PRKN: variants seen among roughly 807,000 people sequenced by gnomAD.
PRKN encodes the protein E3 ubiquitin-protein ligase parkin.
Under a neutral mutation model 59.5 loss-of-function variants are expected in PRKN, and 56 were observed. That is an observed-to-expected ratio of 0.94 (90% CI 0.76 to 1.18). The LOEUF (loss-of-function observed/expected upper bound fraction) is 1.18, where lower values mean the gene tolerates loss of function less well. Among genes scored for constraint, PRKN ranks in the 50% most tolerant of loss-of-function variants. The probability of loss-of-function intolerance (pLI) is 0.00; values close to 1 mark genes in which losing one functional copy is unlikely to be tolerated. For missense variants in PRKN, 657 were observed against 596.4 expected, an observed-to-expected ratio of 1.10 and a Z score of -1.06; for synonymous variants, 250 against 222.1, an observed-to-expected ratio of 1.13 and a Z score of -1.12.
At chr6:162,008,179 T>C (rs914068071) in intron 5 of PRKN, among the ~76,000 whole-genome samples, 6 of 152,162 alleles carry the variant, frequency 3.9e-5, no homozygotes, top group Admixed American at 2.0e-4. Flanking sequence ...CAGGAGACTA[T>C]AGAAGTCAAG....
intron 3 of PRKN, among the ~76,000 whole-genome samples, chr6:162,218,467 G>A (rs1307387997): frequency 1.3e-5 from 2 of 152,140 alleles, no homozygotes; most frequent in Non-Finnish European, 2.9e-5. Flanking sequence ...AGCCGGGGCT[G>A]GAAACAGTGA....
rs553582050 is a variant in PRKN at position 162,253,587 on chromosome 6, G to A, written c.412+8938C>T. Among the ~76,000 whole-genome samples, 52 of 152,090 alleles carry A rather than the reference G, an allele frequency of 3.4e-4. 1 individual carries two copies. The South Asian group carries it at 0.01, about 30-fold the overall frequency. On this transcript the variant is annotated intron_variant, in intron 3 of 11. Transcript: ENST00000366898. The stretch of plus-strand genomic sequence containing the variant: ...ATTTTCATAAAAGGAAATCCTAAAC[G>A]CTCAATTTGAAGTATGTTTCCTCAC...
chr6:162,461,435 G>C (rs1791157207), intron 1 of PRKN, among the ~76,000 whole-genome samples: 1 of 144,040 alleles, frequency 6.9e-6, no homozygotes, highest in African/African-American at 2.6e-5. Flanking sequence ...CTGGGAGGTG[G>C]AGGCTGCAGT....
At chr6:162,096,062 T>C (rs1357076733) in intron 4 of PRKN, among the ~76,000 whole-genome samples, 4 of 152,168 alleles carry the variant, frequency 2.6e-5, no homozygotes, top group African/African-American at 9.7e-5. Context: ...ACTTATTTCA[T>C]ATGTGGATCA....
intron 2 of PRKN, among the ~76,000 whole-genome samples, chr6:162,389,114 A>G (rs180989808): frequency 1.6e-4 from 24 of 151,788 alleles, no homozygotes; most frequent in African/African-American, 5.8e-4. Flanking sequence ...CTTGTTTTGA[A>G]TGGATGTGTG....
In PRKN at chr6:161,357,048, CTTTTTT is replaced by C. The variant is rs35219002; in HGVS notation, c.1285+3034_1285+3039del. ...CAGGTCCAGGTTCGCTGACCACTTC[CTTTTTT>C]TTTTTTTTTTTTTTTGAGACAGAGT... On this transcript the variant is annotated intron_variant, in intron 11 of 11. Transcript: ENST00000366898. The surrounding 1 kb of genome is among the most constrained non-coding windows in gnomAD (Gnocchi z 5.5). Among the ~76,000 whole-genome samples, 9 of 115,610 alleles carry C rather than the reference CTTTTTT, an allele frequency of 7.8e-5. No homozygotes were observed. The highest frequency in any genetic ancestry group is 1.5e-4 in the Non-Finnish European group (9 of 58,114). The allele number at this position is 115,610 out of a possible 152,430, so 75.8% of individuals were successfully genotyped here. A position where few individuals can be genotyped will look rare whatever the true frequency, so the allele number is the denominator to read the frequency against.
At chr6:162,455,850 C>T (rs1350826318) in intron 1 of PRKN, among the ~76,000 whole-genome samples, 1 of 151,804 alleles carries the variant, frequency 6.6e-6, no homozygotes, top group Non-Finnish European at 1.5e-5. Flanking sequence ...CCCAATGTTT[C>T]AAAATTTGTC....
chr6:162,171,793 C>G (rs571906083), intron 4 of PRKN, among the ~76,000 whole-genome samples: 1 of 152,082 alleles, frequency 6.6e-6, no homozygotes. Flanking sequence ...GTGCATTTGC[C>G]TATGTGTATA....
At chr6:161,612,274 C>T (rs1448161155) in intron 7 of PRKN, among the ~76,000 whole-genome samples, 2 of 152,206 alleles carry the variant, frequency 1.3e-5, no homozygotes, top group Admixed American at 1.3e-4. Context: ...ATGAAAGAGC[C>T]TTCTATTGGA....
intron 1 of PRKN, among the ~76,000 whole-genome samples, chr6:162,639,206 C>T (rs1280741400): frequency 6.6e-6 from 1 of 152,120 alleles, no homozygotes; most frequent in Non-Finnish European, 1.5e-5. Context: ...TATGCTTATT[C>T]CTTAGGATTC....
chr6:162,118,052 C>T (rs1203391688), intron 4 of PRKN, among the ~76,000 whole-genome samples: 1 of 151,958 alleles, frequency 6.6e-6, no homozygotes, highest in Non-Finnish European at 1.5e-5. Context: ...GCCAAGATCA[C>T]GCTGTTGCAC....
At chr6:161,944,071 TCAGCCTGAGGGAC>T (rs1327988790) in intron 6 of PRKN, among the ~76,000 whole-genome samples, 49 of 130,624 alleles carry the variant, frequency 3.8e-4, no homozygotes, top group African/African-American at 1.4e-3. Flanking sequence ...GCCTGAGGGA[TCAGCCTGAGGGAC>T]CAGCCTGAGG....
intron 5 of PRKN, among the ~76,000 whole-genome samples, chr6:161,991,804 C>T (rs1325021107): frequency 3.9e-5 from 6 of 152,030 alleles, no homozygotes; most frequent in Non-Finnish European, 5.9e-5. Flanking sequence ...GAGCACACCA[C>T]TGCACTCAGC....
intron 1 of PRKN, among the ~76,000 whole-genome samples, chr6:162,693,637 T>A (rs1444029993): frequency 6.6e-6 from 1 of 152,150 alleles, no homozygotes; most frequent in African/African-American, 2.4e-5. Flanking sequence ...ATAGCTACCT[T>A]TTTTTGCTTT....
intron 2 of PRKN, among the ~76,000 whole-genome samples, chr6:162,377,607 C>T (rs760164894): frequency 2.0e-5 from 3 of 152,220 alleles, no homozygotes; most frequent in Non-Finnish European, 2.9e-5. Flanking sequence ...GCCACAGGCC[C>T]ATGGCCAGCC....
At chr6:162,445,276 C>A (rs940133932) in intron 1 of PRKN, among the ~76,000 whole-genome samples, 1 of 152,106 alleles carries the variant, frequency 6.6e-6, no homozygotes, top group Non-Finnish European at 1.5e-5. Context: ...GGGAATGGGA[C>A]CCACTTTTCT....
At chr6:162,242,308 C>T (rs980417183) in intron 3 of PRKN, among the ~76,000 whole-genome samples, 2 of 152,056 alleles carry the variant, frequency 1.3e-5, no homozygotes, top group Non-Finnish European at 1.5e-5. Flanking sequence ...ATGCAGTTTT[C>T]CACAGTGTTA....
At chr6:162,429,891 A>G (rs1789425097) in intron 2 of PRKN, among the ~76,000 whole-genome samples, 2 of 152,158 alleles carry the variant, frequency 1.3e-5, no homozygotes, top group Admixed American at 1.3e-4. Context: ...GACCCGGCTC[A>G]TCCTCTTCCC....
intron 7 of PRKN, among the ~76,000 whole-genome samples, chr6:161,730,939 C>A (rs748733747): frequency 5.1e-4 from 77 of 152,130 alleles, no homozygotes; most frequent in Non-Finnish European, 9.3e-4. Flanking sequence ...GTGTTGCATT[C>A]TTTCTGATGT....
Sources: gnomAD v4.1 joint callset for allele counts (sites outside exome capture counted in the v4.1 genomes callset) on GRCh38, gnomAD v4.1.1 for gene constraint, Gnocchi (gnomAD v3.1) non-coding constraint, MANE v1.5 for transcripts, NCBI Gene and HGNC (gene_info 2026-07-23, HGNC 2026-07-21) for gene names.